The following SYNE1 variants were observed in gnomAD, a reference collection of about 807,000 sequenced individuals.
The protein encoded by SYNE1 is spectrin repeat containing nuclear envelope protein 1.
A neutral mutation model predicts 1,111.0 loss-of-function variants in SYNE1; 616 were observed. The ratio of observed to expected loss-of-function variants is 0.55; its 90% CI spans 0.52 to 0.59. The LOEUF (loss-of-function observed/expected upper bound fraction) is 0.59. Among genes scored for constraint, SYNE1 ranks in the 20% least tolerant of loss-of-function variants. SYNE1 has a pLI of 0.00. For synonymous variants in SYNE1, 3,855 were observed against 3,825.8 expected, an observed-to-expected ratio of 1.01 and a Z score of -0.28; for missense variants, 10,006 against 10,417.0, an observed-to-expected ratio of 0.96 and a Z score of 1.72.
chr6:152,490,838 G>T (rs1223052288), intron 11 of SYNE1, among the ~76,000 whole-genome samples: 1 of 152,116 alleles, frequency 6.6e-6, no homozygotes, highest in Non-Finnish European at 1.5e-5. Context: ...CTATGACCTT[G>T]GGTCCTCAGG....
chr6:152,413,643 A>C (rs1299156361), intron 41 of SYNE1, 112 bp from the exon 42 acceptor site: 6 of 1,065,880 alleles, frequency 5.6e-6, no homozygotes, highest in Non-Finnish European at 6.9e-6. Context: ...CAGCTAGAAA[A>C]ACTTTTAACA....
intron 91 of SYNE1, among the ~76,000 whole-genome samples, chr6:152,304,154 C>G (rs1229231755): frequency 6.6e-6 from 1 of 152,084 alleles, no homozygotes; most frequent in Non-Finnish European, 1.5e-5. Flanking sequence ...GATTGAATAG[C>G]TATTTACTAT....
Position 152,449,587 on chromosome 6 carries a change from G to A in SYNE1, c.3450C>T (p.Ile1150=). Residue 1150 remains isoleucine (I), a synonymous_variant, in exon 28 of 146, where the codon ATC becomes ATT. Transcript: ENST00000367255. ...TGGCAGTATCGATGGCCTCACCCTT[G>A]ATCCCCTTTAATTGTGTCTCATTTG... ...ISTNETQLKG[I]KGEAIDTANH... 3.1e-6 allele frequency: 5 copies of A among 1,614,046 alleles called. No individual in the cohort carries two copies. The highest frequency in any genetic ancestry group is 4.2e-6 in the Non-Finnish European group (5 of 1,180,004).
chr6:152,518,376 C>T (rs2099122899), intron 6 of SYNE1, among the ~76,000 whole-genome samples: 1 of 151,908 alleles, frequency 6.6e-6, no homozygotes, highest in South Asian at 2.1e-4. Context: ...CTTGGGTACC[C>T]TCCACACAAT....
intron 3 of SYNE1, among the ~76,000 whole-genome samples, chr6:152,613,475 A>C (rs2099637743): frequency 6.6e-6 from 1 of 152,200 alleles, no homozygotes; most frequent in African/African-American, 2.4e-5. Flanking sequence ...GAGAACTACA[A>C]ACCACTGCTC....
At chr6:152,259,422 T>C (rs2091575659) in intron 101 of SYNE1, among the ~76,000 whole-genome samples, 2 of 152,200 alleles carry the variant, frequency 1.3e-5, no homozygotes, top group Admixed American at 1.3e-4. Flanking sequence ...GAAAAATTGC[T>C]CTAAGAGGTT....
intron 145 of SYNE1, chr6:152,127,314 T>C (rs544534500): frequency 6.6e-6 from 1 of 152,234 alleles, no homozygotes; most frequent in East Asian, 1.9e-4. Flanking sequence ...GTCTATAAAT[T>C]GGGAATATAG....
At position 152,208,024 on chromosome 6, in the gene SYNE1, C is replaced by T. The variant is rs540603947; in HGVS notation, c.22772G>A (p.Gly7591Glu). The change falls in exon 125 of 146, where the codon GGA (glycine) becomes GAA (glutamate). Residue 7591 changes from glycine (G) to glutamate (E), a missense_variant. Coordinates refer to ENST00000367255, the MANE Select transcript of SYNE1 (RefSeq NM_182961.4). Reference sequence around the variant, plus strand: ...TTGTTGCAGTGGTATAGGAACACTTCCGAGACCACTCATGGGGAGGTAGGA... The same window carrying T: ...TTGTTGCAGTGGTATAGGAACACTTTCGAGACCACTCATGGGGAGGTAGGA... The part of the protein sequence containing the change: ...EVSYLPMSGL[G>E]SVPIPLQQAR... 3.1e-6 allele frequency: 5 copies of T among 1,614,156 alleles called. No individual in the cohort carries two copies. The Admixed American group carries it at 5.0e-5, about 16-fold the overall frequency.
intron 62 of SYNE1, 90 bp downstream of exon 62, chr6:152,367,128 T>A (rs2154081098): frequency 6.8e-7 from 1 of 1,481,082 alleles, no homozygotes; most frequent in African/African-American, 1.4e-5. Flanking sequence ...GGAGAGAATG[T>A]GACATCATCA....
At chr6:152,467,790 A>T (rs968271131) in intron 16 of SYNE1, among the ~76,000 whole-genome samples, 4 of 152,114 alleles carry the variant, frequency 2.6e-5, no homozygotes, top group African/African-American at 4.8e-5. Flanking sequence ...TTTTAAAGAA[A>T]GATACCTATT....
chr6:152,269,841 A>C (rs988955529), intron 98 of SYNE1, among the ~76,000 whole-genome samples: 1 of 152,196 alleles, frequency 6.6e-6, no homozygotes, highest in Non-Finnish European at 1.5e-5. Context: ...ACTGTTCTGT[A>C]AGGCATCATA....
chr6:152,561,202 T>C (rs1188498196), intron 3 of SYNE1, among the ~76,000 whole-genome samples: 1 of 152,196 alleles, frequency 6.6e-6, no homozygotes, highest in African/African-American at 2.4e-5. Context: ...TTATAACTGA[T>C]AAATTTAGTT....
At chr6:152,550,336 C>T (rs1392178702) in intron 3 of SYNE1, among the ~76,000 whole-genome samples, 1 of 151,838 alleles carries the variant, frequency 6.6e-6, no homozygotes, top group African/African-American at 2.4e-5. Context: ...AATTCTTAAC[C>T]TCTAAAAAAT....
At chr6:152,355,905 T>C (rs1403229046) in intron 66 of SYNE1, among the ~76,000 whole-genome samples, 1 of 152,214 alleles carries the variant, frequency 6.6e-6, no homozygotes, top group African/African-American at 2.4e-5. Context: ...TTTCAACTAA[T>C]AGAAAATTTT....
chr6:152,462,064 T>C (rs2098737049), intron 20 of SYNE1, among the ~76,000 whole-genome samples: 1 of 150,208 alleles, frequency 6.7e-6, no homozygotes, highest in Non-Finnish European at 1.5e-5. Flanking sequence ...TGTGGGGGAA[T>C]TCTGACTTTA....
At chr6:152,567,256 A>G (rs1487163050) in intron 3 of SYNE1, among the ~76,000 whole-genome samples, 2 of 152,176 alleles carry the variant, frequency 1.3e-5, no homozygotes, top group African/African-American at 4.8e-5. Context: ...ATATTCCATT[A>G]TATATATGCC....
Position 152,190,130 on chromosome 6 carries a change from C to T in SYNE1, c.23146-723G>A, listed in dbSNP as rs141898926. ...TTTCAAGAAGCCACTTTCTTGTTGA[C>T]GGCCATACCACCCTAAACATGCCCA... On this transcript the variant is annotated intron_variant, in intron 127 of 145. Coordinates refer to ENST00000367255, the MANE Select transcript of SYNE1 (RefSeq NM_182961.4). Among the ~76,000 whole-genome samples the T allele has an allele frequency of 2.0e-4, 31 of 152,314 alleles. No individual in the cohort carries two copies. In the East Asian group the frequency reaches 3.1e-3, roughly 15 times the overall value.
chr6:152,196,212 C>T (rs937214740), intron 127 of SYNE1, among the ~76,000 whole-genome samples: 1 of 152,164 alleles, frequency 6.6e-6, no homozygotes, highest in African/African-American at 2.4e-5. Context: ...TCCAGAAATG[C>T]CACCCGAGAG....
At position 152,343,470 on chromosome 6, in the gene SYNE1, C is replaced by CT. The variant is rs561650440; in HGVS notation, c.12225+610dup. Among the ~76,000 whole-genome samples the CT allele has an allele frequency of 2.8e-3, 375 of 133,204 alleles. 1 individual carries two copies. The highest frequency in any genetic ancestry group is 0.012 in the Middle Eastern group (3 of 254). The allele number at this position is 133,204 out of a possible 152,430, so 87.4% of individuals were successfully genotyped here. ...CACTATGCCCGGCCCCATTCTCTTT[C>CT]TTTTTTTTTTTTCTTTTTAATAGTT... On this transcript the variant is annotated intron_variant, in intron 74 of 145. Coordinates refer to ENST00000367255, the MANE Select transcript of SYNE1 (RefSeq NM_182961.4).
Sources: gnomAD v4.1 joint callset for allele counts (sites outside exome capture counted in the v4.1 genomes callset) on GRCh38, gnomAD v4.1.1 for gene constraint, MANE v1.5 for transcripts, NCBI Gene and HGNC (gene_info 2026-07-23, HGNC 2026-07-21) for gene names.